The following B3GALT1 variants were observed in gnomAD, a reference collection of about 807,000 sequenced individuals.
The protein encoded by B3GALT1 is UDP-Gal:betaGlcNAc beta 1,3-galactosyltransferase, polypeptide 1.
B3GALT1 carries 10 observed loss-of-function variants against 23.2 expected under a neutral mutation model. That is an observed-to-expected ratio of 0.43 (90% CI 0.27 to 0.73). B3GALT1 has a LOEUF of 0.73. B3GALT1 is among the 30% of genes least tolerant of loss of function. The pLI is 0.21. For synonymous variants in B3GALT1, 156 were observed against 141.5 expected (o/e 1.10, Z -0.73); for missense variants, 299 against 405.4 (o/e 0.74, Z 2.25).
Position 167,753,472 on chromosome 2 carries a change from A to G in B3GALT1, c.-351-65200A>G, listed in dbSNP as rs541104294. Among the ~76,000 whole-genome samples the G allele has an allele frequency of 2.6e-5, 4 of 152,248 alleles. No individual in the cohort carries two copies. In the East Asian group the frequency reaches 7.8e-4, roughly 30 times the overall value. On this transcript the variant is annotated intron_variant, in intron 3 of 4. Transcript: ENST00000392690. ...CCATTTGGTGATCCTCCCACTTTCC[A>G]TGCAGAGAGAATTCAGACATCTAAA...
intron 1 of B3GALT1, among the ~76,000 whole-genome samples, chr2:167,369,895 C>CTTAT (rs112974683): frequency 6.6e-6 from 1 of 151,954 alleles, no homozygotes; most frequent in Non-Finnish European, 1.5e-5. Context: ...GGCACTTCTG[C>CTTAT]TTATTTATTT....
intron 2 of B3GALT1, among the ~76,000 whole-genome samples, chr2:167,502,564 G>C (rs949807930): frequency 8.8e-5 from 11 of 125,074 alleles, no homozygotes; most frequent in African/African-American, 3.3e-4. Context: ...AAGTGAAGAG[G>C]TAGGAGGCAC....
At chr2:167,834,052 A>G (rs189311149) in intron 4 of B3GALT1, among the ~76,000 whole-genome samples, 1,618 of 152,294 alleles carry the variant, frequency 0.011, 37 homozygotes, top group African/African-American at 0.037. Flanking sequence ...ATTCTTATCT[A>G]AAAAAGGAAC....
At chr2:167,620,995 C>T (rs1009078026) in intron 2 of B3GALT1, among the ~76,000 whole-genome samples, 1 of 151,598 alleles carries the variant, frequency 6.6e-6, no homozygotes, top group African/African-American at 2.4e-5. Context: ...TGCTTTCTTT[C>T]ATTTTCATAG....
At chr2:167,600,821 C>T (rs1684864800) in intron 2 of B3GALT1, among the ~76,000 whole-genome samples, 1 of 151,674 alleles carries the variant, frequency 6.6e-6, no homozygotes, top group Non-Finnish European at 1.5e-5. Flanking sequence ...TTGGATTCTC[C>T]CCCGCCCCCC....
At chr2:167,745,451 T>A (rs756689179) in intron 3 of B3GALT1, among the ~76,000 whole-genome samples, 5 of 152,216 alleles carry the variant, frequency 3.3e-5, no homozygotes, top group Non-Finnish European at 5.9e-5. Flanking sequence ...CTATGAAGTA[T>A]ATAACTTCAG....
chr2:167,740,157 A>G (rs1687558011), intron 3 of B3GALT1, among the ~76,000 whole-genome samples: 1 of 151,714 alleles, frequency 6.6e-6, no homozygotes, highest in Non-Finnish European at 1.5e-5. Context: ...AAATTCTACT[A>G]GAGAAGCTTA....
chr2:167,346,705 C>G (rs1407726811), intron 1 of B3GALT1, among the ~76,000 whole-genome samples: 6 of 149,838 alleles, frequency 4.0e-5, no homozygotes, highest in Non-Finnish European at 8.9e-5. Context: ...TAAAAAGTAT[C>G]AAGTCTGCAT....
intron 3 of B3GALT1, among the ~76,000 whole-genome samples, chr2:167,666,953 TAA>T (rs1686206892): frequency 6.6e-6 from 1 of 152,070 alleles, no homozygotes; most frequent in Non-Finnish European, 1.5e-5. Flanking sequence ...CATTTACATT[TAA>T]AGTTAATATT....
chr2:167,770,924 T>TTGC (rs1688061879), intron 3 of B3GALT1, among the ~76,000 whole-genome samples: 1 of 152,190 alleles, frequency 6.6e-6, no homozygotes, highest in East Asian at 1.9e-4. Flanking sequence ...TTGCCCTATC[T>TTGC]CCATTTTCGA....
chr2:167,863,745 CA>C (rs1207129299), intron 4 of B3GALT1, among the ~76,000 whole-genome samples: 1 of 152,068 alleles, frequency 6.6e-6, no homozygotes, highest in Non-Finnish European at 1.5e-5. Context: ...TGGTTATAAG[CA>C]AAAAGGCTAT....
intron 2 of B3GALT1, among the ~76,000 whole-genome samples, chr2:167,628,918 CT>C (rs1334580041): frequency 6.6e-6 from 1 of 151,474 alleles, no homozygotes; most frequent in Non-Finnish European, 1.5e-5. Flanking sequence ...TTTATTTGTT[CT>C]GTGGAAGTTA....
chr2:167,837,039 G>C (rs1689496041), intron 4 of B3GALT1, among the ~76,000 whole-genome samples: 1 of 152,122 alleles, frequency 6.6e-6, no homozygotes, highest in African/African-American at 2.4e-5. Flanking sequence ...ACTAAACATG[G>C]AAAGGAACAA....
At chr2:167,496,048 G>A (rs540945194) in intron 2 of B3GALT1, among the ~76,000 whole-genome samples, 7 of 151,532 alleles carry the variant, frequency 4.6e-5, no homozygotes, top group African/African-American at 7.3e-5. Flanking sequence ...TGAGTAAATC[G>A]GCCAAGTGTC....
chr2:167,495,532 C>T (rs1336260365), intron 2 of B3GALT1, among the ~76,000 whole-genome samples: 4 of 152,008 alleles, frequency 2.6e-5, no homozygotes, highest in Non-Finnish European at 5.9e-5. Flanking sequence ...AGGGTTTCTC[C>T]ATGTTGGTCA....
intron 3 of B3GALT1, among the ~76,000 whole-genome samples, chr2:167,685,944 G>T (rs781123732): frequency 1.3e-5 from 2 of 152,080 alleles, no homozygotes; most frequent in Non-Finnish European, 2.9e-5. Flanking sequence ...AATAAAAAAG[G>T]TCACTTTTAA....
At chr2:167,589,840 A>G (rs1684644567) in intron 2 of B3GALT1, among the ~76,000 whole-genome samples, 1 of 152,180 alleles carries the variant, frequency 6.6e-6, no homozygotes. Context: ...ATTAGTATTG[A>G]CAGTTATAAT....
intron 1 of B3GALT1, among the ~76,000 whole-genome samples, chr2:167,318,780 A>G (rs1696758610): frequency 6.6e-6 from 1 of 152,034 alleles, no homozygotes; most frequent in African/African-American, 2.4e-5. Flanking sequence ...CCCTGGGAGA[A>G]ATGTTCAGCT....
At chr2:167,564,417 G>T (rs997563342) in intron 2 of B3GALT1, among the ~76,000 whole-genome samples, 2 of 150,474 alleles carry the variant, frequency 1.3e-5, no homozygotes, top group Admixed American at 6.6e-5. Flanking sequence ...CATCCCAGAC[G>T]ATGGGCGGCC....
Sources: allele counts gnomAD v4.1 joint callset (sites outside exome capture counted in the v4.1 genomes callset), GRCh38; gene constraint gnomAD v4.1.1; transcripts MANE v1.5; gene names NCBI Gene and HGNC (gene_info 2026-07-23, HGNC 2026-07-21).